The following SPARCL1 variants were observed in gnomAD, a reference collection of about 807,000 sequenced individuals.
The protein encoded by SPARCL1 is SPARC like 1, also known as SPARC-like protein 1.
SPARCL1 carries 52 observed loss-of-function variants against 67.1 expected under a neutral mutation model. The observed-to-expected ratio is 0.78, with a 90% CI of 0.62 to 0.98. The LOEUF (loss-of-function observed/expected upper bound fraction) is 0.98. SPARCL1 is among the 50% of genes least tolerant of loss of function. The probability of loss-of-function intolerance (pLI) is 0.00; values close to 1 mark genes in which losing one functional copy is unlikely to be tolerated. For missense variants in SPARCL1, 717 were observed against 782.4 expected, an observed-to-expected ratio of 0.92 and a Z score of 1.00; for synonymous variants, 226 against 267.8, an observed-to-expected ratio of 0.84 and a Z score of 1.52.
chr4:87,481,234 C>G (rs1723809358), intron 8 of SPARCL1, among the ~76,000 whole-genome samples: 8 of 152,208 alleles, frequency 5.3e-5, no homozygotes, highest in Admixed American at 5.2e-4. Flanking sequence ...TCCAATCCCT[C>G]TCCTCTGGGT....
At chr4:87,476,812 C>CA (rs1483316418) in intron 10 of SPARCL1, among the ~76,000 whole-genome samples, 1 of 152,158 alleles carries the variant, frequency 6.6e-6, no homozygotes, top group East Asian at 1.9e-4. Flanking sequence ...AATATATGAG[C>CA]ACGTCTATCA....
In SPARCL1 at chr4:87,482,491, A is replaced by T. The variant is rs1290520174; in HGVS notation, c.1601T>A (p.Ile534Asn). The T allele has an allele frequency of 6.2e-7, 1 of 1,614,040 alleles. No homozygotes were observed. The highest frequency in any genetic ancestry group is 1.1e-5 in the South Asian group (1 of 91,076). ...PLRMRDWLKN[I>N]LMQLYEANSE... ...GTTGGCTTCATAAAGCTGCATGAGG[A>T]TATTCTTGAGCCAGTCTCTCATCCG... is the stretch of plus-strand genomic sequence containing the variant. Residue 534 changes from isoleucine to asparagine, a missense_variant, in exon 8 of 11, where the codon ATC becomes AAC. Transcript: ENST00000282470.
intron 1 of SPARCL1, among the ~76,000 whole-genome samples, chr4:87,522,851 G>GT (rs569638183): frequency 1.8e-4 from 27 of 152,022 alleles, no homozygotes; most frequent in African/African-American, 6.3e-4. Context: ...AATAAAATGT[G>GT]TTTTTTCTCA....
chr4:87,500,459 T>C (rs1385010989), intron 1 of SPARCL1, among the ~76,000 whole-genome samples: 2 of 152,188 alleles, frequency 1.3e-5, no homozygotes, highest in Admixed American at 6.5e-5. Context: ...TTGAAAGTAG[T>C]GGGCAGCCTA....
chr4:87,506,244 T>C (rs1725067501), intron 1 of SPARCL1, among the ~76,000 whole-genome samples: 1 of 152,202 alleles, frequency 6.6e-6, no homozygotes, highest in South Asian at 2.1e-4. Flanking sequence ...ATATGATCTT[T>C]GGCAAGTTAC....
chr4:87,500,975 T>C (rs951548542), intron 1 of SPARCL1, among the ~76,000 whole-genome samples: 4 of 152,260 alleles, frequency 2.6e-5, no homozygotes, highest in African/African-American at 9.6e-5. Flanking sequence ...AACGATATTT[T>C]GCTTTGGTTT....
Position 87,522,683 on chromosome 4 carries a change from G to GCACA in SPARCL1, c.-12+6358_-12+6361dup, listed in dbSNP as rs146948007. On this transcript the variant is annotated intron_variant, in intron 1 of 10. Transcript: ENST00000282470. Reference sequence around the variant, plus strand: ...CACACACACACACACACACACACACGCACACACACAGAGTTAACCTCTATT... The same window carrying GCACA: ...CACACACACACACACACACACACACGCACACACACACACAGAGTTAACCTCTATT... 2.9e-5 allele frequency among the ~76,000 whole-genome samples: 3 copies of GCACA among 102,704 alleles called. No individual in the cohort carries two copies. In the South Asian group the frequency reaches 1.1e-3, roughly 36 times the overall value. The allele number at this position is 102,704 out of a possible 152,430, so 67.4% of individuals were successfully genotyped here.
rs187923255 is a variant in SPARCL1, at chr4:87,483,699, C to G, written c.1532-1139G>C. Among the ~76,000 whole-genome samples, 888 of 152,302 alleles carry G rather than the reference C, an allele frequency of 5.8e-3. 5 individuals carry two copies. The highest frequency in any genetic ancestry group is 9.8e-3 in the Non-Finnish European group (666 of 68,030). ...AATGATTGAACTAATTTACTCCCAC[C>G]AACAATATGAAAGCGTTCCTATTTC... On this transcript the variant is annotated intron_variant, in intron 7 of 10. Transcript: ENST00000282470.
intron 7 of SPARCL1, among the ~76,000 whole-genome samples, chr4:87,489,229 G>A (rs1324429011): frequency 2.0e-5 from 3 of 152,194 alleles, no homozygotes; most frequent in Admixed American, 1.3e-4. Context: ...GTAGGCACCC[G>A]AAGGAATCTC....
At chr4:87,527,483 G>A (rs983703841) in intron 1 of SPARCL1, among the ~76,000 whole-genome samples, 1 of 152,160 alleles carries the variant, frequency 6.6e-6, no homozygotes, top group Non-Finnish European at 1.5e-5. Context: ...AGTCAACTGA[G>A]TAAAAAGAAC....
chr4:87,524,605 A>T (rs903688052), intron 1 of SPARCL1, among the ~76,000 whole-genome samples: 2 of 152,104 alleles, frequency 1.3e-5, no homozygotes, highest in Admixed American at 1.3e-4. Flanking sequence ...TTTCTTACAC[A>T]TTGTTACATT....
chr4:87,506,820 T>C (rs534795941), intron 1 of SPARCL1, among the ~76,000 whole-genome samples: 4 of 143,672 alleles, frequency 2.8e-5, no homozygotes, highest in African/African-American at 1.0e-4. Flanking sequence ...TATCTATCTA[T>C]CTATCTACCT....
At chr4:87,474,944 G>T (rs557766968) in intron 10 of SPARCL1, among the ~76,000 whole-genome samples, 4 of 151,604 alleles carry the variant, frequency 2.6e-5, no homozygotes, top group African/African-American at 4.9e-5. Flanking sequence ...GGGTTTCACC[G>T]TGTTAGCCAA....
chr4:87,490,734 TAA>T (rs779189091), intron 6 of SPARCL1, 24 bp downstream of exon 6: 7 of 1,427,618 alleles, frequency 4.9e-6, no homozygotes, highest in East Asian at 2.3e-5. Context: ...TGGAGCCACT[TAA>T]AGACTATTTT....
At chr4:87,503,251 T>A (rs2110239869) in intron 1 of SPARCL1, among the ~76,000 whole-genome samples, 1 of 152,328 alleles carries the variant, frequency 6.6e-6, no homozygotes, top group Non-Finnish European at 1.5e-5. Context: ...ATCCTCACCC[T>A]GCCTTCCAAA....
chr4:87,477,149 C>T (rs1221512149), intron 10 of SPARCL1, among the ~76,000 whole-genome samples: 3 of 152,224 alleles, frequency 2.0e-5, no homozygotes, highest in African/African-American at 7.2e-5. Context: ...CCTGGGTGAG[C>T]TTACACACTG....
At chr4:87,486,165 C>T (rs1724049174) in intron 7 of SPARCL1, among the ~76,000 whole-genome samples, 1 of 152,058 alleles carries the variant, frequency 6.6e-6, no homozygotes, top group Non-Finnish European at 1.5e-5. Context: ...GCTAGGGTGT[C>T]AATTTTAGAT....
chr4:87,522,640 AACACACACAC>A (rs57929830), intron 1 of SPARCL1, among the ~76,000 whole-genome samples: 2,484 of 131,890 alleles, frequency 0.019, 46 homozygotes, highest in South Asian at 0.093. Context: ...ACCACCACCA[AACACACACAC>A]ACACACACAC....
At chr4:87,518,302 CTT>C (rs1725665815) in intron 1 of SPARCL1, among the ~76,000 whole-genome samples, 1 of 152,120 alleles carries the variant, frequency 6.6e-6, no homozygotes, top group African/African-American at 2.4e-5. Context: ...TGGGAAAAGA[CTT>C]TTCCCCTCAA....
Sources: gnomAD v4.1 joint callset for allele counts (sites outside exome capture counted in the v4.1 genomes callset) on GRCh38, gnomAD v4.1.1 for gene constraint, MANE v1.5 for transcripts, NCBI Gene and HGNC (gene_info 2026-07-23, HGNC 2026-07-21) for gene names.